The following AMOTL1 variants were observed in gnomAD, a reference collection of about 807,000 sequenced individuals.
AMOTL1 encodes angiomotin like 1.
In AMOTL1, 45 loss-of-function variants were observed where a neutral mutation model predicts 102.9. The ratio of observed to expected loss-of-function variants is 0.44; its 90% CI spans 0.34 to 0.56. The LOEUF is 0.56. Among genes scored for constraint, AMOTL1 ranks in the 20% least tolerant of loss-of-function variants. The pLI is 0.01. For synonymous variants in AMOTL1, 481 were observed against 484.7 expected (o/e 0.99, Z 0.10); for missense variants, 1,114 against 1,225.6 (o/e 0.91, Z 1.36).
At chr11:94,793,382 C>T (rs149202804) in intron 1 of AMOTL1, among the ~76,000 whole-genome samples, 31 of 152,232 alleles carry the variant, frequency 2.0e-4, no homozygotes, top group Admixed American at 1.7e-3. Context: ...TCCCCAGTTT[C>T]GCTCCACATT....
chr11:94,786,014 C>T (rs1245795236), intron 1 of AMOTL1, among the ~76,000 whole-genome samples: 2 of 152,094 alleles, frequency 1.3e-5, no homozygotes, highest in African/African-American at 2.4e-5. Context: ...ATACTTACTT[C>T]TATATAGGTA....
intron 2 of AMOTL1, among the ~76,000 whole-genome samples, chr11:94,736,581 T>C (rs1030194981): frequency 6.6e-6 from 1 of 152,356 alleles, no homozygotes; most frequent in African/African-American, 2.4e-5. Context: ...TGTACCTATG[T>C]GTGCTAGACA....
At chr11:94,839,180 G>T (rs1034109178) in intron 6 of AMOTL1, among the ~76,000 whole-genome samples, 1 of 152,220 alleles carries the variant, frequency 6.6e-6, no homozygotes, top group Non-Finnish European at 1.5e-5. Context: ...TGTATCCTCA[G>T]GTGGAGTTGC....
At position 94,821,694 on chromosome 11, in the gene AMOTL1, A is replaced by G; in HGVS notation, c.1286A>G (p.Gln429Arg). 6.2e-7 allele frequency: 1 copy of G among 1,614,036 alleles called. No individual in the cohort carries two copies. Among genetic ancestry groups the G allele is most frequent in the Non-Finnish European group, 8.5e-7 (1 of 1,179,898 alleles). The change falls in exon 4 of 13, where the codon CAG becomes CGG. Residue 429 changes from glutamine to arginine, a missense_variant. Gln to Arg is a conservative substitution (Grantham distance 43). Transcript: ENST00000433060. ...QPPPAASPSQ[Q>R]LGPDAFAIVE... ...CCGCCTGCCGCCTCCCCCAGCCAGC[A>G]GCTTGGTCCAGATGCCTTTGCGATT...
chr11:94,754,622 A>G (rs1367260876), intron 3 of AMOTL1, among the ~76,000 whole-genome samples: 2 of 152,090 alleles, frequency 1.3e-5, no homozygotes. Flanking sequence ...TTCCATCCTT[A>G]TCAGTATTGC....
intron 3 of AMOTL1, among the ~76,000 whole-genome samples, chr11:94,802,575 C>T (rs145728399): frequency 1.4e-4 from 22 of 152,186 alleles, no homozygotes; most frequent in African/African-American, 4.8e-4. Flanking sequence ...AAAGTTATGA[C>T]GTTAGAAAGA....
At position 94,799,314 on chromosome 11, in the gene AMOTL1, T is replaced by G; in HGVS notation, c.200-76T>G. 8.4e-7 allele frequency: 1 copy of G among 1,188,286 alleles called. No homozygotes were observed. Among genetic ancestry groups the G allele is most frequent in the Non-Finnish European group, 1.2e-6 (1 of 860,410 alleles). 73.6% of individuals were successfully genotyped at this position (1,188,286 alleles called of 1,614,324 possible). ...AATGTTGCTGTAGTTAGAATGTTAA[T>G]TATGTACCACATAGTCACAGACATA... On this transcript the variant is annotated intron_variant, in intron 2 of 12. Transcript: ENST00000433060. The surrounding 1 kb of genome is among the most constrained non-coding windows in gnomAD (Gnocchi z 4.5).
intron 3 of AMOTL1, among the ~76,000 whole-genome samples, chr11:94,741,945 G>A (rs1410370674): frequency 6.6e-6 from 1 of 152,214 alleles, no homozygotes; most frequent in African/African-American, 2.4e-5. Context: ...GTGGCACCCT[G>A]TCCCTGGTCA....
intron 8 of AMOTL1, among the ~76,000 whole-genome samples, chr11:94,854,975 G>A (rs977541778): frequency 4.6e-5 from 7 of 152,212 alleles, no homozygotes; most frequent in Non-Finnish European, 1.0e-4. Context: ...CCAGCCTGGG[G>A]TTCACCTGCA....
At chr11:94,759,722 T>C (rs1434649744) in intron 3 of AMOTL1, among the ~76,000 whole-genome samples, 1 of 152,168 alleles carries the variant, frequency 6.6e-6, no homozygotes, top group African/African-American at 2.4e-5. Flanking sequence ...GGTAATAATA[T>C]CTGCCATACT....
intron 1 of AMOTL1, among the ~76,000 whole-genome samples, chr11:94,724,557 T>G (rs1397091810): frequency 6.6e-6 from 1 of 152,140 alleles, no homozygotes; most frequent in Non-Finnish European, 1.5e-5. Context: ...ATTTCATTAT[T>G]TGCAGATCCC....
intron 3 of AMOTL1, chr11:94,820,527 C>T (rs1486476795): frequency 6.6e-6 from 1 of 152,362 alleles, no homozygotes; most frequent in Admixed American, 6.5e-5. Context: ...CTCCAACCTT[C>T]TTGGCACCAG....
Position 94,830,768 on chromosome 11 carries a change from A to G in AMOTL1, c.1558+574A>G, listed in dbSNP as rs149685097. On this transcript the variant is annotated intron_variant, in intron 5 of 12. Transcript: ENST00000433060. ...ATATGCACAATGAGTTAACCTATAA[A>G]TGTTACTTCACCTTCAGCCAAGCCA... Among the ~76,000 whole-genome samples the G allele has an allele frequency of 1.4e-4, 21 of 152,282 alleles. No individual in the cohort carries two copies. In the East Asian group the frequency reaches 3.9e-3, roughly 28 times the overall value.
intron 3 of AMOTL1, among the ~76,000 whole-genome samples, chr11:94,758,146 T>A: frequency 6.6e-6 from 1 of 152,200 alleles, no homozygotes; most frequent in Non-Finnish European, 1.5e-5. Context: ...TCAAATTAAT[T>A]TCAGGGTTTT....
upstream of AMOTL1, among the ~76,000 whole-genome samples, chr11:94,767,038 T>A (rs1194166684): frequency 6.6e-6 from 1 of 152,096 alleles, no homozygotes; most frequent in Non-Finnish European, 1.5e-5. Flanking sequence ...TCCACCACCC[T>A]CCCAGGCTTT....
At chr11:94,720,561 T>G (rs1950160237) in intron 1 of AMOTL1, among the ~76,000 whole-genome samples, 2 of 152,126 alleles carry the variant, frequency 1.3e-5, no homozygotes, top group Non-Finnish European at 2.9e-5. Context: ...CTCCCTCACC[T>G]AAAACCCCTC....
intron 1 of AMOTL1, among the ~76,000 whole-genome samples, chr11:94,717,649 T>G (rs1370731085): frequency 6.6e-6 from 1 of 151,998 alleles, no homozygotes; most frequent in Non-Finnish European, 1.5e-5. Context: ...AATAACTTTT[T>G]AAGCATGGCT....
chr11:94,786,114 G>C (rs1253745924), intron 1 of AMOTL1, among the ~76,000 whole-genome samples: 1 of 152,120 alleles, frequency 6.6e-6, no homozygotes, highest in Admixed American at 6.5e-5. Context: ...CTGAGGAAAA[G>C]AATCTCGAGT....
chr11:94,840,884 T>A (rs1952289405), intron 6 of AMOTL1, among the ~76,000 whole-genome samples: 1 of 151,948 alleles, frequency 6.6e-6, no homozygotes, highest in African/African-American at 2.4e-5. Context: ...CACTTAAATG[T>A]CCTATTTCCT....
Sources: gnomAD v4.1 joint callset for allele counts (sites outside exome capture counted in the v4.1 genomes callset) on GRCh38, gnomAD v4.1.1 for gene constraint, Gnocchi (gnomAD v3.1) non-coding constraint, MANE v1.5 for transcripts, NCBI Gene and HGNC (gene_info 2026-07-23, HGNC 2026-07-21) for gene names.